PDSS2: variants seen among roughly 807,000 people sequenced by gnomAD.
The protein encoded by PDSS2 is decaprenyl diphosphate synthase subunit 2, also known as all trans-polyprenyl-diphosphate synthase PDSS2.
In PDSS2, 31 loss-of-function variants were observed where a neutral mutation model predicts 44.5. The ratio of observed to expected loss-of-function variants is 0.70; its 90% CI spans 0.52 to 0.94. The LOEUF is 0.94. Among genes scored for constraint, PDSS2 ranks in the 40% least tolerant of loss-of-function variants. PDSS2 has a pLI of 0.00. For synonymous variants in PDSS2, 157 were observed against 180.3 expected, an observed-to-expected ratio of 0.87 and a Z score of 1.03; for missense variants, 452 against 482.2, an observed-to-expected ratio of 0.94 and a Z score of 0.59.
intron 7 of PDSS2, among the ~76,000 whole-genome samples, chr6:107,189,436 C>G (rs939739781): frequency 1.1e-4 from 17 of 152,074 alleles, no homozygotes; most frequent in Non-Finnish European, 2.4e-4. Flanking sequence ...CACTGGGGTT[C>G]AAGCAATTCT....
chr6:107,451,828 C>T (rs939286220), intron 1 of PDSS2, among the ~76,000 whole-genome samples: 4 of 152,178 alleles, frequency 2.6e-5, no homozygotes, highest in African/African-American at 9.7e-5. Flanking sequence ...GAACTCTTAA[C>T]TTGTCTTTTC....
chr6:107,193,910 T>A, intron 6 of PDSS2, 56 bp from the exon 7 acceptor site: 1 of 1,154,360 alleles, frequency 8.7e-7, no homozygotes, highest in Non-Finnish European at 1.3e-6. Context: ...TTAGTGCTTC[T>A]ATAATTTTTG....
chr6:107,168,132 A>C (rs1172571527), intron 7 of PDSS2, among the ~76,000 whole-genome samples: 2 of 152,072 alleles, frequency 1.3e-5, no homozygotes, highest in Admixed American at 6.6e-5. Context: ...GTAGGTCTCT[A>C]AGGACTTGCT....
At chr6:107,405,732 A>G (rs1462354570) in intron 1 of PDSS2, among the ~76,000 whole-genome samples, 1 of 151,232 alleles carries the variant, frequency 6.6e-6, no homozygotes, top group African/African-American at 2.4e-5. Context: ...CTGTAGTCCC[A>G]GCTACTTGGG....
chr6:107,181,727 T>TA (rs1771991063), intron 7 of PDSS2, among the ~76,000 whole-genome samples: 2 of 151,390 alleles, frequency 1.3e-5, no homozygotes. Context: ...CCATCTCTAC[T>TA]AAAAATACAA....
chr6:107,225,137 T>TTA (rs1554256031), intron 4 of PDSS2, among the ~76,000 whole-genome samples: 2,733 of 61,750 alleles, frequency 0.044, 89 homozygotes, highest in Middle Eastern at 0.076. Context: ...ATATATATTT[T>TTA]TATATATATA....
intron 2 of PDSS2, among the ~76,000 whole-genome samples, chr6:107,326,127 G>A (rs1777537994): frequency 7.1e-6 from 1 of 141,810 alleles, no homozygotes; most frequent in South Asian, 2.2e-4. Context: ...TTTTGAGACA[G>A]AGTCTTGCTC....
intron 1 of PDSS2, among the ~76,000 whole-genome samples, chr6:107,390,978 T>C (rs942189652): frequency 6.6e-6 from 1 of 151,980 alleles, no homozygotes; most frequent in Non-Finnish European, 1.5e-5. Context: ...TTAACCTTTT[T>C]TGGAATTTCT....
At chr6:107,301,021 C>T (rs958886885) in intron 2 of PDSS2, among the ~76,000 whole-genome samples, 4 of 152,156 alleles carry the variant, frequency 2.6e-5, no homozygotes, top group African/African-American at 9.7e-5. Flanking sequence ...TTGTAGATGG[C>T]ACACTTGTTT....
chr6:107,384,168 TC>T (rs1365610585), intron 1 of PDSS2, among the ~76,000 whole-genome samples: 1 of 152,132 alleles, frequency 6.6e-6, no homozygotes, highest in African/African-American at 2.4e-5. Context: ...GGACAAATAT[TC>T]CATAATTTCA....
At chr6:107,458,383 C>A (rs867853647) in intron 1 of PDSS2, among the ~76,000 whole-genome samples, 13 of 121,668 alleles carry the variant, frequency 1.1e-4, no homozygotes, top group African/African-American at 4.4e-4. Context: ...CAGCTACTCC[C>A]GCCTGGGCGA....
At chr6:107,276,562 C>T (rs1775790986) in intron 2 of PDSS2, among the ~76,000 whole-genome samples, 3 of 152,142 alleles carry the variant, frequency 2.0e-5, no homozygotes, top group African/African-American at 7.2e-5. Flanking sequence ...ATGGATGAGA[C>T]TGGGGTCTTG....
At chr6:107,398,959 T>C (rs1015571291) in intron 1 of PDSS2, among the ~76,000 whole-genome samples, 2 of 152,224 alleles carry the variant, frequency 1.3e-5, no homozygotes, top group African/African-American at 4.8e-5. Flanking sequence ...ATTTTTAGAA[T>C]GTATTCATAT....
chr6:107,208,175 G>T (rs990316953), intron 6 of PDSS2, among the ~76,000 whole-genome samples: 5 of 149,458 alleles, frequency 3.3e-5, no homozygotes, highest in African/African-American at 1.2e-4. Context: ...TAGTAGAGAC[G>T]GGGTTTCACC....
intron 4 of PDSS2, among the ~76,000 whole-genome samples, chr6:107,236,055 A>C (rs1013219175): frequency 3.9e-5 from 6 of 152,188 alleles, no homozygotes; most frequent in African/African-American, 1.2e-4. Flanking sequence ...CGTTTTATGA[A>C]AACCAACTCA....
At chr6:107,324,082 C>G (rs1343514367) in intron 2 of PDSS2, among the ~76,000 whole-genome samples, 1 of 152,180 alleles carries the variant, frequency 6.6e-6, no homozygotes, top group Non-Finnish European at 1.5e-5. Context: ...AAAGAGCCTT[C>G]CCTTTTCTTT....
At chr6:107,214,679 GA>G (rs369092959) in intron 4 of PDSS2, among the ~76,000 whole-genome samples, 1 of 151,848 alleles carries the variant, frequency 6.6e-6, no homozygotes, top group African/African-American at 2.4e-5. Flanking sequence ...AAAATATTAA[GA>G]AAAAAAAGTG....
chr6:107,353,295 A>G (rs1778488424), intron 1 of PDSS2, among the ~76,000 whole-genome samples: 1 of 152,206 alleles, frequency 6.6e-6, no homozygotes, highest in African/African-American at 2.4e-5. Context: ...ATTCTAGATT[A>G]ATAAGAATAA....
chr6:107,259,689 GA>G (rs1355806260), intron 3 of PDSS2, among the ~76,000 whole-genome samples: 2 of 149,724 alleles, frequency 1.3e-5, no homozygotes, highest in South Asian at 4.2e-4. Context: ...AAAAAAAATA[GA>G]AAAAAGAAAA....
Sources: gnomAD v4.1 joint callset for allele counts (sites outside exome capture counted in the v4.1 genomes callset) on GRCh38, gnomAD v4.1.1 for gene constraint, MANE v1.5 for transcripts, NCBI Gene and HGNC (gene_info 2026-07-23, HGNC 2026-07-21) for gene names.